GALNT17: variants seen among roughly 807,000 people sequenced by gnomAD.
GALNT17 encodes polypeptide N-acetylgalactosaminyltransferase 17, also known as UDP-GalNAc:polypeptide N-acetylgalactosaminyltransferase-like 3.
A neutral mutation model predicts 63.7 loss-of-function variants in GALNT17; 29 were observed. The ratio of observed to expected loss-of-function variants is 0.46; its 90% CI spans 0.34 to 0.62. GALNT17 has a LOEUF of 0.62. Ranked by LOEUF, GALNT17 falls within the 20% of genes least tolerant of loss-of-function variation. The pLI is 0.01. For synonymous variants in GALNT17, 305 were observed against 318.3 expected (o/e 0.96, Z 0.45); for missense variants, 603 against 799.6 (o/e 0.75, Z 2.97).
chr7:71,492,917 G>A (rs973801016), intron 5 of GALNT17, among the ~76,000 whole-genome samples: 1 of 152,168 alleles, frequency 6.6e-6, no homozygotes, highest in South Asian at 2.1e-4. Flanking sequence ...CAGGGGATCC[G>A]CTATTTAGCA....
chr7:71,138,803 G>C (rs1194717587), intron 1 of GALNT17, among the ~76,000 whole-genome samples: 5 of 152,046 alleles, frequency 3.3e-5, no homozygotes, highest in Non-Finnish European at 5.9e-5. Context: ...GCGAAACCCT[G>C]TCTCTACAAA....
chr7:71,701,227 C>G (rs1791626213), intron 9 of GALNT17, among the ~76,000 whole-genome samples: 1 of 152,184 alleles, frequency 6.6e-6, no homozygotes, highest in Admixed American at 6.6e-5. Context: ...TGGCTCACGC[C>G]TGTAATCCCA....
rs188972954 is a variant in GALNT17, at chr7:71,450,994, A to G, written c.962+29889A>G. ...TGTGCACAATGTGCAGGTTTGCTAC[A>G]TATGTATACATGTGCCATGTTGGTG... is the stretch of plus-strand genomic sequence containing the variant. On this transcript the variant is annotated intron_variant, in intron 5 of 10. Coordinates refer to ENST00000333538, the MANE Select transcript of GALNT17 (RefSeq NM_022479.3). 4.1e-3 allele frequency among the ~76,000 whole-genome samples: 623 copies of G among 150,382 alleles called. 12 individuals are homozygous for G. The highest frequency in any genetic ancestry group is 0.037 in the Admixed American group (553 of 15,066).
chr7:71,182,068 G>A (rs1213655790), intron 1 of GALNT17, among the ~76,000 whole-genome samples: 1 of 151,674 alleles, frequency 6.6e-6, no homozygotes, highest in African/African-American at 2.4e-5. Context: ...TCAGCTACTC[G>A]GGAGGCTGAG....
intron 6 of GALNT17, among the ~76,000 whole-genome samples, chr7:71,599,445 G>A (rs1546788): frequency 1 from 151,794 of 152,278 alleles, 75,657 homozygotes; most frequent in East Asian, 1. Flanking sequence ...GTGTGGTCTT[G>A]GCTAGTGTCT....
chr7:71,193,454 C>CTTT (rs1159902249), intron 1 of GALNT17, among the ~76,000 whole-genome samples: 8,394 of 107,148 alleles, frequency 0.078, 447 homozygotes, highest in East Asian at 0.18. Context: ...ACGCTTTTGT[C>CTTT]TTTTTTTTTT....
intron 3 of GALNT17, among the ~76,000 whole-genome samples, chr7:71,389,486 GT>G (rs1490333467): frequency 1.3e-5 from 2 of 152,044 alleles, no homozygotes; most frequent in Non-Finnish European, 2.9e-5. Context: ...AGGTGGAATA[GT>G]TTCATCCTGA....
chr7:71,155,344 G>T (rs112894644), intron 1 of GALNT17, among the ~76,000 whole-genome samples: 1 of 151,668 alleles, frequency 6.6e-6, no homozygotes, highest in African/African-American at 2.4e-5. Flanking sequence ...CATGATCTCG[G>T]CTCACTGCAC....
At chr7:71,368,875 G>A (rs1268533822) in intron 2 of GALNT17, among the ~76,000 whole-genome samples, 3 of 148,704 alleles carry the variant, frequency 2.0e-5, no homozygotes, top group Non-Finnish European at 4.4e-5. Flanking sequence ...CCCTCCATCA[G>A]TGATAAGCAT....
intron 5 of GALNT17, among the ~76,000 whole-genome samples, chr7:71,502,178 T>TA (rs1788190880): frequency 6.6e-6 from 1 of 152,246 alleles, no homozygotes; most frequent in Non-Finnish European, 1.5e-5. Flanking sequence ...TCTTGCCCCT[T>TA]ATGACCAATC....
chr7:71,623,820 T>G (rs9638298), intron 6 of GALNT17, among the ~76,000 whole-genome samples: 1 of 151,990 alleles, frequency 6.6e-6, no homozygotes, highest in Non-Finnish European at 1.5e-5. Context: ...CATGTGAGCA[T>G]ACAGTCTTCC....
intron 1 of GALNT17, among the ~76,000 whole-genome samples, chr7:71,217,821 G>A (rs543450327): frequency 2.0e-5 from 3 of 152,064 alleles, no homozygotes; most frequent in Admixed American, 6.6e-5. Flanking sequence ...CCAGCTACTC[G>A]GGAGGCTGAG....
chr7:71,493,302 ACTGGGCCC>A (rs1788039976), intron 5 of GALNT17, among the ~76,000 whole-genome samples: 1 of 152,152 alleles, frequency 6.6e-6, no homozygotes, highest in African/African-American at 2.4e-5. Context: ...GATGTTCTTG[ACTGGGCCC>A]CAGTTCACCT....
intron 5 of GALNT17, among the ~76,000 whole-genome samples, chr7:71,476,976 G>C (rs1392661238): frequency 6.6e-6 from 1 of 151,806 alleles, no homozygotes; most frequent in East Asian, 1.9e-4. Context: ...TGTGGAGGGT[G>C]GATCTCGTGG....
chr7:71,652,781 A>C (rs1157486222), intron 6 of GALNT17, among the ~76,000 whole-genome samples: 1 of 152,222 alleles, frequency 6.6e-6, no homozygotes, highest in Non-Finnish European at 1.5e-5. Flanking sequence ...GTAGGAAGGA[A>C]GACATCAGAG....
chr7:71,217,946 TA>T (rs1192026416), intron 1 of GALNT17, among the ~76,000 whole-genome samples: 1 of 150,206 alleles, frequency 6.7e-6, no homozygotes, highest in East Asian at 2.0e-4. Context: ...AAAAATTCAA[TA>T]ATAGGGAAAT....
intron 1 of GALNT17, among the ~76,000 whole-genome samples, chr7:71,301,901 C>T (rs996088518): frequency 6.6e-6 from 1 of 152,090 alleles, no homozygotes; most frequent in South Asian, 2.1e-4. Flanking sequence ...GGTGAAGAAC[C>T]TGCTATTGAC....
At chr7:71,681,547 G>T (rs188635908) in intron 9 of GALNT17, among the ~76,000 whole-genome samples, 1 of 152,134 alleles carries the variant, frequency 6.6e-6, no homozygotes, top group Non-Finnish European at 1.5e-5. Context: ...ACAGCCTCTG[G>T]CCCAGGCAGC....
intron 5 of GALNT17, among the ~76,000 whole-genome samples, chr7:71,504,237 A>G (rs974675802): frequency 6.6e-6 from 1 of 151,348 alleles, no homozygotes; most frequent in Non-Finnish European, 1.5e-5. Context: ...AAAAAAAAAA[A>G]AAAAAATTAG....
Sources: gnomAD v4.1 joint callset for allele counts (sites outside exome capture counted in the v4.1 genomes callset) on GRCh38, gnomAD v4.1.1 for gene constraint, MANE v1.5 for transcripts, NCBI Gene and HGNC (gene_info 2026-07-23, HGNC 2026-07-21) for gene names.